Variants in GRIA4 observed in about 807,000 individuals in gnomAD.
GRIA4 encodes glutamate ionotropic receptor AMPA type subunit 4, also known as glutamate receptor 4.
Under a neutral mutation model 104.0 loss-of-function variants are expected in GRIA4, and 34 were observed. The ratio of observed to expected loss-of-function variants is 0.33; its 90% CI spans 0.25 to 0.44. The LOEUF is 0.44. GRIA4 is among the 20% of genes least tolerant of loss of function. The probability of loss-of-function intolerance (pLI) is 1.00; values close to 1 mark genes in which losing one functional copy is unlikely to be tolerated. For synonymous variants in GRIA4, 386 were observed against 381.9 expected (o/e 1.01, Z -0.13); for missense variants, 750 against 1,096.5 (o/e 0.68, Z 4.46).
chr11:105,748,853 CG>C (rs1939830226), intron 3 of GRIA4, among the ~76,000 whole-genome samples: 2 of 152,130 alleles, frequency 1.3e-5, no homozygotes, highest in South Asian at 4.1e-4. Context: ...TTCACTGAGG[CG>C]CAGAAGAGGC....
chr11:105,637,342 C>A (rs1434350487), intron 3 of GRIA4, among the ~76,000 whole-genome samples: 2 of 152,018 alleles, frequency 1.3e-5, no homozygotes, highest in African/African-American at 4.8e-5. Flanking sequence ...AATATAATTG[C>A]TATTTAAAAA....
intron 3 of GRIA4, among the ~76,000 whole-genome samples, chr11:105,712,079 T>C (rs1953931096): frequency 6.6e-6 from 1 of 152,124 alleles, no homozygotes; most frequent in African/African-American, 2.4e-5. Context: ...TATGTATTTA[T>C]GTATGTTAAA....
intron 4 of GRIA4, among the ~76,000 whole-genome samples, chr11:105,835,883 A>G (rs796277897): frequency 2.0e-5 from 3 of 152,174 alleles, no homozygotes; most frequent in African/African-American, 4.8e-5. Flanking sequence ...AGAAAATAAG[A>G]CAATAATTAA....
intron 14 of GRIA4, among the ~76,000 whole-genome samples, chr11:105,954,526 ATTCTT>A (rs1057231482): frequency 2.6e-5 from 4 of 152,120 alleles, no homozygotes; most frequent in Admixed American, 6.6e-5. Flanking sequence ...TTTCTTTCAT[ATTCTT>A]TTCAATAATC....
At chr11:105,616,311 T>C (rs114268657) in intron 3 of GRIA4, among the ~76,000 whole-genome samples, 3 of 151,722 alleles carry the variant, frequency 2.0e-5, no homozygotes, top group African/African-American at 7.2e-5. Context: ...CTAGTAATGA[T>C]GAAAAAGTTT....
chr11:105,798,245 T>G (rs1033519384), intron 4 of GRIA4, among the ~76,000 whole-genome samples: 4 of 151,932 alleles, frequency 2.6e-5, no homozygotes, highest in African/African-American at 9.7e-5. Flanking sequence ...ATATGAAGTA[T>G]AAGATAAAGG....
At chr11:105,816,042 G>A (rs1385864639) in intron 4 of GRIA4, among the ~76,000 whole-genome samples, 4 of 152,050 alleles carry the variant, frequency 2.6e-5, no homozygotes, top group Admixed American at 6.5e-5. Context: ...ATAGCATGAC[G>A]TAACAAGAGG....
At chr11:105,923,034 C>T (rs1243890952) in intron 11 of GRIA4, among the ~76,000 whole-genome samples, 2 of 152,040 alleles carry the variant, frequency 1.3e-5, no homozygotes, top group Non-Finnish European at 1.5e-5. Context: ...CCCAGGGAGA[C>T]GTGACTAAAA....
chr11:105,735,294 T>C (rs1262298275), intron 3 of GRIA4, among the ~76,000 whole-genome samples: 1 of 152,096 alleles, frequency 6.6e-6, no homozygotes, highest in Non-Finnish European at 1.5e-5. Flanking sequence ...TGGATGTTTG[T>C]AAGTGAACAA....
At chr11:105,773,872 CA>C (rs555750319) in intron 4 of GRIA4, among the ~76,000 whole-genome samples, 6,514 of 104,478 alleles carry the variant, frequency 0.062, 170 homozygotes, top group Middle Eastern at 0.12. Context: ...TCAAAGAGGG[CA>C]AAAAAAAAAA....
chr11:105,721,990 T>TA (rs1445197543), intron 3 of GRIA4, among the ~76,000 whole-genome samples: 1 of 152,180 alleles, frequency 6.6e-6, no homozygotes, highest in Non-Finnish European at 1.5e-5. Flanking sequence ...AGAATATATA[T>TA]AAATCATATG....
chr11:105,718,712 T>C (rs1446622252), intron 3 of GRIA4, among the ~76,000 whole-genome samples: 1 of 152,166 alleles, frequency 6.6e-6, no homozygotes, highest in Non-Finnish European at 1.5e-5. Flanking sequence ...TAAAAGGAGC[T>C]ACTTGAAGGC....
intron 5 of GRIA4, among the ~76,000 whole-genome samples, chr11:105,880,808 T>C (rs924157191): frequency 5.9e-5 from 9 of 152,218 alleles, no homozygotes; most frequent in East Asian, 1.9e-4. Context: ...TGGTATCTTA[T>C]GCAACCTGAG....
At chr11:105,902,528 T>A (rs1232967086) in intron 7 of GRIA4, among the ~76,000 whole-genome samples, 1 of 151,964 alleles carries the variant, frequency 6.6e-6, no homozygotes, top group Non-Finnish European at 1.5e-5. Context: ...AGGGATGGGG[T>A]GTGGCCATGT....
intron 3 of GRIA4, among the ~76,000 whole-genome samples, chr11:105,700,743 G>T (rs558529119): frequency 3.9e-5 from 6 of 151,910 alleles, no homozygotes; most frequent in African/African-American, 7.3e-5. Flanking sequence ...AATTCCCACC[G>T]ACATTAAATG....
intron 14 of GRIA4, among the ~76,000 whole-genome samples, chr11:105,949,597 C>T (rs1948412479): frequency 6.6e-6 from 1 of 151,834 alleles, no homozygotes; most frequent in Non-Finnish European, 1.5e-5. Flanking sequence ...AAGAGATAAA[C>T]AGCATCTACA....
At chr11:105,645,994 A>T (rs1591494227) in intron 3 of GRIA4, among the ~76,000 whole-genome samples, 1 of 152,214 alleles carries the variant, frequency 6.6e-6, no homozygotes, top group Non-Finnish European at 1.5e-5. Context: ...ATTACCTACA[A>T]GGCAAAATAA....
At chr11:105,857,615 T>C (rs1002808138) in intron 4 of GRIA4, among the ~76,000 whole-genome samples, 1 of 152,140 alleles carries the variant, frequency 6.6e-6, no homozygotes, top group Non-Finnish European at 1.5e-5. Flanking sequence ...TCCCTGATTA[T>C]TTCCACATTC....
chr11:105,875,751 G>A (rs944587399), intron 5 of GRIA4, among the ~76,000 whole-genome samples: 5 of 152,102 alleles, frequency 3.3e-5, no homozygotes, highest in African/African-American at 9.7e-5. Flanking sequence ...TGTGGAATTA[G>A]TGGTGATATC....
Sources: gnomAD v4.1 joint callset for allele counts (sites outside exome capture counted in the v4.1 genomes callset) on GRCh38, gnomAD v4.1.1 for gene constraint, MANE v1.5 for transcripts, NCBI Gene and HGNC (gene_info 2026-07-23, HGNC 2026-07-21) for gene names.